MAP3K19: variants seen among roughly 807,000 people sequenced by gnomAD.
The protein encoded by MAP3K19 is SPS1/STE20-related protein kinase YSK4.
MAP3K19 carries 91 observed loss-of-function variants against 114.4 expected under a neutral mutation model. The observed-to-expected ratio is 0.80, with a 90% confidence interval of 0.67 to 0.95. MAP3K19 has a LOEUF of 0.95. MAP3K19 is among the 40% of genes least tolerant of loss of function. MAP3K19 has a pLI of 0.00. For synonymous variants in MAP3K19, 518 were observed against 530.5 expected, an observed-to-expected ratio of 0.98 and a Z score of 0.32; for missense variants, 1,471 against 1,573.2, an observed-to-expected ratio of 0.94 and a Z score of 1.10.
intron 3 of MAP3K19, among the ~76,000 whole-genome samples, chr2:135,025,076 AT>A (rs1467203442): frequency 1.3e-4 from 20 of 151,810 alleles, no homozygotes; most frequent in Non-Finnish European, 4.4e-5. Flanking sequence ...GTTTTTTTTT[AT>A]ATTTTTAAAT....
intron 2 of MAP3K19, among the ~76,000 whole-genome samples, chr2:135,031,654 G>A (rs533631686): frequency 4.6e-5 from 7 of 152,186 alleles, no homozygotes; most frequent in Non-Finnish European, 7.3e-5. Flanking sequence ...ATTGATGTGG[G>A]GAAGAAGGGA....
chr2:135,014,323 T>C (rs1201855214), intron 5 of MAP3K19, among the ~76,000 whole-genome samples: 2 of 151,864 alleles, frequency 1.3e-5, no homozygotes, highest in Admixed American at 6.6e-5. Context: ...CACTGGCCAC[T>C]GCACCCCAGC....
intron 5 of MAP3K19, among the ~76,000 whole-genome samples, chr2:135,008,196 C>T (rs879687616): frequency 2.3e-4 from 35 of 151,742 alleles, no homozygotes; most frequent in South Asian, 1.0e-3. Context: ...GACCTCAGCT[C>T]ACTGCAACCT....
intron 8 of MAP3K19, among the ~76,000 whole-genome samples, chr2:134,992,695 G>T (rs1166006795): frequency 1.3e-5 from 2 of 150,950 alleles, no homozygotes; most frequent in Non-Finnish European, 3.0e-5. Flanking sequence ...TTTGAGACAG[G>T]GTCTCGCTCT....
At chr2:135,020,330 A>T (rs1687882193) in intron 5 of MAP3K19, among the ~76,000 whole-genome samples, 1 of 152,028 alleles carries the variant, frequency 6.6e-6, no homozygotes, top group East Asian at 1.9e-4. Flanking sequence ...TTTCTTTTTT[A>T]AAAAATTGAG....
chr2:134,969,689 G>GA (rs1326320627), intron 12 of MAP3K19, among the ~76,000 whole-genome samples: 1 of 152,154 alleles, frequency 6.6e-6, no homozygotes, highest in Non-Finnish European at 1.5e-5. Context: ...ATATATTAAA[G>GA]AGCTTCTGCA....
At chr2:135,006,366 A>T (rs965024441) in intron 5 of MAP3K19, among the ~76,000 whole-genome samples, 1 of 152,206 alleles carries the variant, frequency 6.6e-6, no homozygotes, top group Admixed American at 6.5e-5. Flanking sequence ...ATGGACAATA[A>T]GTCTTTGCCC....
rs1374805096 is a variant in MAP3K19, at chr2:135,030,461, G to A, written c.-244C>T. On this transcript the variant is annotated 5_prime_UTR_variant, in exon 3 of 13. Coordinates refer to ENST00000392915, the MANE Select transcript of MAP3K19 (RefSeq NM_025052.5). ...GCGGTTCGATTGCTGTAATTGCAAAGGGTGATATCTACTCACTTTTCCAGA... is the reference window on the plus strand; with the variant it reads ...GCGGTTCGATTGCTGTAATTGCAAAAGGTGATATCTACTCACTTTTCCAGA... The A allele has an allele frequency of 6.6e-6, 1 of 152,618 alleles. No individual in the cohort carries two copies. The highest frequency in any genetic ancestry group is 1.5e-5 in the Non-Finnish European group (1 of 68,032). The allele number at this position is 152,618 out of a possible 1,614,324, so 9.5% of individuals were successfully genotyped here.
intron 1 of MAP3K19, among the ~76,000 whole-genome samples, chr2:135,046,243 T>C (rs1688739570): frequency 6.6e-6 from 1 of 152,148 alleles, no homozygotes; most frequent in South Asian, 2.1e-4. Context: ...CATAAGAAAA[T>C]ATTTCTCAAT....
intron 5 of MAP3K19, among the ~76,000 whole-genome samples, chr2:135,019,089 GA>G (rs199643594): frequency 3.5e-4 from 51 of 143,840 alleles, no homozygotes; most frequent in Admixed American, 9.7e-4. Context: ...CAAAAAAAAA[GA>G]AAAAAAAAAG....
In MAP3K19 at chr2:134,986,743, C is replaced by G. The variant is rs755137820; in HGVS notation, c.2129G>C (p.Ser710Thr). The G allele has an allele frequency of 1.9e-6, 3 of 1,614,144 alleles. No homozygotes were observed. Among genetic ancestry groups the G allele is most frequent in the Non-Finnish European group, 2.5e-6 (3 of 1,180,024 alleles). The change falls in exon 10 of 13, where the codon AGC becomes ACC. Residue 710 changes from serine (S) to threonine (T), a missense_variant. Coordinates refer to ENST00000392915, the MANE Select transcript of MAP3K19 (RefSeq NM_025052.5). ...CTGAGAAAGTCTTGTTCTGATATTG[C>G]TCTTCCTCTCACTGTGTGAAGATCG... ...KCRSSHSERK[S>T]NIRTRLSQKK...
At chr2:134,968,883 G>C (rs1205864632) in intron 12 of MAP3K19, among the ~76,000 whole-genome samples, 1 of 151,578 alleles carries the variant, frequency 6.6e-6, no homozygotes, top group Non-Finnish European at 1.5e-5. Flanking sequence ...GCCAGGCAGA[G>C]GGGCTCCTCA....
At position 134,964,507 on chromosome 2, in the gene MAP3K19, T is replaced by C. The variant is rs1279807686; in HGVS notation, c.*343A>G. 6.1e-6 allele frequency: 1 copy of C among 163,578 alleles called. No homozygotes were observed. Among genetic ancestry groups the C allele is most frequent in the Non-Finnish European group, 1.3e-5 (1 of 75,670 alleles). The allele number at this position is 163,578 out of a possible 1,614,324, so 10.1% of individuals were successfully genotyped here. On this transcript the variant is annotated 3_prime_UTR_variant, in exon 13 of 13. Coordinates refer to ENST00000392915, the MANE Select transcript of MAP3K19 (RefSeq NM_025052.5). ...AAATATAAGTTGTTTTTACAATTTA[T>C]TTTAAACTAACAACATTAAAATTGA... is the stretch of plus-strand genomic sequence containing the variant.
In MAP3K19 at chr2:134,981,221, C is replaced by T. The variant is rs1684630869; in HGVS notation, c.3520G>A (p.Val1174Ile). The T allele has an allele frequency of 1.2e-6, 2 of 1,614,080 alleles. No individual in the cohort carries two copies. Among genetic ancestry groups the T allele is most frequent in the African/African-American group, 2.7e-5 (2 of 74,928 alleles). Reference sequence around the variant, plus strand: ...ACACAGTTCTCATGGAGATAAGCAACACCTTGAAGTATTTGTTTCGTATAT... The same window carrying T: ...ACACAGTTCTCATGGAGATAAGCAATACCTTGAAGTATTTGTTTCGTATAT... ...CKYTKQILQG[V>I]AYLHENCVVH... The change falls in exon 12 of 13, where the codon GTT becomes ATT. Residue 1174 changes from valine to isoleucine, a missense_variant. Transcript: ENST00000392915.
rs886996670 is a variant in MAP3K19, at chr2:135,024,479, C to T, written c.22+147G>A. 11 of 749,628 alleles carry T rather than the reference C, an allele frequency of 1.5e-5. No individual in the cohort carries two copies. In the Admixed American group the frequency reaches 1.6e-4, roughly 11 times the overall value. 46.4% of individuals were successfully genotyped at this position (749,628 alleles called of 1,614,324 possible). ...CTTTGCATCCCCCAGAGCACCTAGT[C>T]GTGGGCCTTGTACAGAGTCACTGCT... On this transcript the variant is annotated intron_variant, in intron 4 of 12. Transcript: ENST00000392915.
chr2:135,002,182 A>G (rs1686488764), intron 6 of MAP3K19, among the ~76,000 whole-genome samples: 1 of 152,208 alleles, frequency 6.6e-6, no homozygotes, highest in South Asian at 2.1e-4. Flanking sequence ...ATCAGAAAAT[A>G]TTACCATAGA....
chr2:134,983,568 A>C (rs1321323988), intron 11 of MAP3K19, 108 bp downstream of exon 11: 1 of 716,884 alleles, frequency 1.4e-6, no homozygotes, highest in Admixed American at 3.5e-5. Flanking sequence ...TAAGTAAAAG[A>C]GTGCTTGCCA....
chr2:135,017,975 T>G (rs1229270167), intron 5 of MAP3K19, among the ~76,000 whole-genome samples: 2 of 152,192 alleles, frequency 1.3e-5, no homozygotes, highest in African/African-American at 2.4e-5. Context: ...GAGGTTAAAA[T>G]GCAAAGTACA....
In MAP3K19 at chr2:135,040,458, T is replaced by TA. The variant is rs1317589737; in HGVS notation, c.-380dup. 1 of 152,670 alleles carries TA rather than the reference T, an allele frequency of 6.6e-6. No homozygotes were observed. The highest frequency in any genetic ancestry group is 1.9e-4 in the East Asian group (1 of 5,196). 9.5% of individuals were successfully genotyped at this position (152,670 alleles called of 1,614,324 possible). A position where few individuals can be genotyped will look rare whatever the true frequency, so the allele number is the denominator to read the frequency against. ...TTTCCGAGGATGGATTGGACTTCGG[T>TA]AATATAGTCACAGATGAGTTCCACA... On this transcript the variant is annotated 5_prime_UTR_variant, in exon 2 of 13. It removes the in-frame stop codon of an upstream open reading frame in the 5' UTR. Transcript: ENST00000392915.
Sources: gnomAD v4.1 joint callset for allele counts (sites outside exome capture counted in the v4.1 genomes callset) on GRCh38, gnomAD v4.1.1 for gene constraint, MANE v1.5 for transcripts, NCBI Gene and HGNC (gene_info 2026-07-23, HGNC 2026-07-21) for gene names.